The following COX7B2 variants were observed in gnomAD, a reference collection of about 807,000 sequenced individuals.
The protein encoded by COX7B2 is cytochrome c oxidase subunit 7B2, mitochondrial.
For missense variants in COX7B2, 109 were observed against 95.9 expected (o/e 1.14, Z -0.57); for synonymous variants, 37 against 32.1 (o/e 1.15, Z -0.51).
At chr4:46,861,715 C>T (rs182662663) in intron 1 of COX7B2, among the ~76,000 whole-genome samples, 158 of 152,304 alleles carry the variant, frequency 1.0e-3, no homozygotes, top group African/African-American at 3.6e-3. Flanking sequence ...TACCAGGATC[C>T]TGACTTAAGC....
chr4:46,886,294 G>T (rs2109859392), intron 1 of COX7B2, among the ~76,000 whole-genome samples: 1 of 152,214 alleles, frequency 6.6e-6, no homozygotes, highest in Non-Finnish European at 1.5e-5. Flanking sequence ...ATAAACTTTT[G>T]AGTACATGTG....
At chr4:46,764,016 G>A (rs1716377225) in intron 2 of COX7B2, among the ~76,000 whole-genome samples, 1 of 152,138 alleles carries the variant, frequency 6.6e-6, no homozygotes, top group Non-Finnish European at 1.5e-5. Flanking sequence ...ATATGGCTAT[G>A]AACAATATAC....
At chr4:46,875,448 C>T (rs1718261424) in intron 1 of COX7B2, among the ~76,000 whole-genome samples, 1 of 152,114 alleles carries the variant, frequency 6.6e-6, no homozygotes, top group Non-Finnish European at 1.5e-5. Context: ...CATCATAGCT[C>T]AATTCTGAAC....
At chr4:46,862,774 T>C (rs570157161) in intron 1 of COX7B2, among the ~76,000 whole-genome samples, 4 of 152,306 alleles carry the variant, frequency 2.6e-5, no homozygotes, top group Admixed American at 6.5e-5. Context: ...CTTTGAATGA[T>C]GACTAGATTT....
intron 1 of COX7B2, among the ~76,000 whole-genome samples, chr4:46,907,847 A>AATTTTTTTTTTTTTTTTTTTTT (rs1308450950): frequency 1.5e-5 from 1 of 67,238 alleles, no homozygotes. Context: ...ATTTGAGCAG[A>AATTTTTTTTTTTTTTTTTTTTT]CTTTTTTTTT....
At chr4:46,856,393 C>G (rs534123687) in intron 1 of COX7B2, among the ~76,000 whole-genome samples, 1 of 152,288 alleles carries the variant, frequency 6.6e-6, no homozygotes, top group East Asian at 1.9e-4. Flanking sequence ...CTGCTTCACT[C>G]CACAAATTCA....
chr4:46,757,797 G>GA (rs1297006723), intron 2 of COX7B2, among the ~76,000 whole-genome samples: 1 of 152,000 alleles, frequency 6.6e-6, no homozygotes, highest in Non-Finnish European at 1.5e-5. Context: ...TTTGTAGACT[G>GA]AAAAAATAAA....
intron 2 of COX7B2, among the ~76,000 whole-genome samples, chr4:46,775,526 A>G (rs1717109686): frequency 6.6e-6 from 1 of 152,120 alleles, no homozygotes; most frequent in African/African-American, 2.4e-5. Context: ...AAGCTGTTTA[A>G]ATGCTTTTGT....
chr4:46,792,640 TG>T (rs1718112713), intron 2 of COX7B2, among the ~76,000 whole-genome samples: 1 of 152,170 alleles, frequency 6.6e-6, no homozygotes, highest in Non-Finnish European at 1.5e-5. Context: ...CTCCAGTTTG[TG>T]GGACTTCTCA....
At chr4:46,866,790 T>C (rs1414882167) in intron 1 of COX7B2, among the ~76,000 whole-genome samples, 2 of 152,092 alleles carry the variant, frequency 1.3e-5, no homozygotes, top group Non-Finnish European at 2.9e-5. Flanking sequence ...ACAAATGTAA[T>C]AGTGTTGCAT....
intron 2 of COX7B2, among the ~76,000 whole-genome samples, chr4:46,768,532 A>G (rs1716686328): frequency 6.6e-6 from 1 of 152,182 alleles, no homozygotes; most frequent in South Asian, 2.1e-4. Context: ...ATTTAGGGCC[A>G]TAGGTCTATG....
At chr4:46,866,462 A>G (rs1414011641) in intron 1 of COX7B2, among the ~76,000 whole-genome samples, 1 of 152,206 alleles carries the variant, frequency 6.6e-6, no homozygotes, top group Non-Finnish European at 1.5e-5. Flanking sequence ...TTGTATATCA[A>G]AAACTTGTAC....
At chr4:46,806,194 T>C (rs1718985948) in intron 2 of COX7B2, among the ~76,000 whole-genome samples, 2 of 152,266 alleles carry the variant, frequency 1.3e-5, no homozygotes, top group South Asian at 4.1e-4. Context: ...TCTTCTTCCT[T>C]TTATTAATGT....
chr4:46,837,720 C>T (rs913696736), intron 2 of COX7B2, among the ~76,000 whole-genome samples: 48 of 152,036 alleles, frequency 3.2e-4, no homozygotes, highest in Admixed American at 3.9e-4. Context: ...TAAGATAACA[C>T]TTTTAGAAAA....
At chr4:46,741,523 C>T (rs1482474913) in intron 2 of COX7B2, among the ~76,000 whole-genome samples, 3 of 151,972 alleles carry the variant, frequency 2.0e-5, no homozygotes, top group Admixed American at 2.0e-4. Flanking sequence ...ATCACTTCTC[C>T]GCCATGAATG....
chr4:46,841,335 C>CTG (rs145768502), intron 2 of COX7B2, among the ~76,000 whole-genome samples: 18,897 of 139,728 alleles, frequency 0.14, 1,259 homozygotes, highest in East Asian at 0.19. Flanking sequence ...CAAATGTGCT[C>CTG]TGTGTGTGTG....
At chr4:46,860,467 A>C (rs1717270791) in intron 1 of COX7B2, among the ~76,000 whole-genome samples, 2 of 151,362 alleles carry the variant, frequency 1.3e-5, no homozygotes, top group African/African-American at 4.9e-5. Context: ...TTGGGAACCT[A>C]GGGGAGACCT....
intron 2 of COX7B2, among the ~76,000 whole-genome samples, chr4:46,834,044 A>G (rs1715345892): frequency 1.3e-5 from 2 of 152,164 alleles, no homozygotes; most frequent in African/African-American, 4.8e-5. Context: ...AAAGCAATTA[A>G]ATCAACAACA....
At chr4:46,830,372 G>T (rs1316476092) in intron 2 of COX7B2, among the ~76,000 whole-genome samples, 1 of 142,986 alleles carries the variant, frequency 7.0e-6, no homozygotes, top group Non-Finnish European at 1.5e-5. Context: ...GGAGAGAAAA[G>T]AAACAATGTA....
Sources: gnomAD v4.1 joint callset for allele counts (sites outside exome capture counted in the v4.1 genomes callset) on GRCh38, gnomAD v4.1.1 for gene constraint, MANE v1.5 for transcripts, NCBI Gene and HGNC (gene_info 2026-07-23, HGNC 2026-07-21) for gene names.